Variants in NAA15 observed in about 807,000 individuals in gnomAD.
The protein encoded by NAA15 is N-alpha-acetyltransferase 15, NatA auxiliary subunit.
NAA15 carries 34 observed loss-of-function variants against 114.0 expected under a neutral mutation model. That is an observed-to-expected ratio of 0.30 (90% CI 0.23 to 0.40). The LOEUF (loss-of-function observed/expected upper bound fraction) is 0.40. Ranked by LOEUF, NAA15 falls within the 10% of genes least tolerant of loss-of-function variation. The probability of loss-of-function intolerance (pLI) is 1.00; values close to 1 mark genes in which losing one functional copy is unlikely to be tolerated. For synonymous variants in NAA15, 340 were observed against 338.0 expected, an observed-to-expected ratio of 1.01 and a Z score of -0.06; for missense variants, 658 against 1,004.5, an observed-to-expected ratio of 0.66 and a Z score of 4.66.
At chr4:139,306,256 T>C (rs528208321) in intron 1 of NAA15, among the ~76,000 whole-genome samples, 1 of 152,198 alleles carries the variant, frequency 6.6e-6, no homozygotes, top group Non-Finnish European at 1.5e-5. Flanking sequence ...TTTGTTTGTT[T>C]TTTGAGACAG....
chr4:139,319,243 G>A (rs1346224515), intron 1 of NAA15, among the ~76,000 whole-genome samples: 1 of 152,136 alleles, frequency 6.6e-6, no homozygotes, highest in Non-Finnish European at 1.5e-5. Flanking sequence ...GCAGCGAGCC[G>A]AGATCATGCT....
intron 1 of NAA15, among the ~76,000 whole-genome samples, chr4:139,324,306 T>TA (rs1296050401): frequency 6.6e-6 from 1 of 152,248 alleles, no homozygotes; most frequent in Admixed American, 6.5e-5. Context: ...TTGAAAGTAT[T>TA]ATGTTAGATT....
At chr4:139,384,098 G>A (rs139206440) in intron 17 of NAA15, among the ~76,000 whole-genome samples, 24 of 152,338 alleles carry the variant, frequency 1.6e-4, no homozygotes, top group African/African-American at 4.8e-4. Flanking sequence ...TTTGCTTACA[G>A]TTCCTTTCTG....
intron 6 of NAA15, among the ~76,000 whole-genome samples, chr4:139,346,430 A>G (rs1289883523): frequency 6.6e-6 from 1 of 152,204 alleles, no homozygotes; most frequent in Non-Finnish European, 1.5e-5. Context: ...TGGAAATTCT[A>G]GCAATCTTTA....
intron 1 of NAA15, among the ~76,000 whole-genome samples, chr4:139,321,279 AT>A (rs1472502073): frequency 1.3e-5 from 2 of 151,730 alleles, no homozygotes; most frequent in East Asian, 3.9e-4. Flanking sequence ...AATAGTTTCC[AT>A]TTCTTCATTG....
chr4:139,324,917 C>G (rs1746743220), intron 1 of NAA15, among the ~76,000 whole-genome samples: 1 of 151,962 alleles, frequency 6.6e-6, no homozygotes, highest in African/African-American at 2.4e-5. Context: ...GAGGGGCCTG[C>G]CATTCTGAAT....
intron 6 of NAA15, among the ~76,000 whole-genome samples, chr4:139,347,243 A>T (rs1171644949): frequency 2.6e-5 from 4 of 152,052 alleles, no homozygotes; most frequent in Non-Finnish European, 4.4e-5. Flanking sequence ...TGCCAGTAGT[A>T]CTCAACACCC....
At chr4:139,349,710 C>T (rs1367660818) in intron 7 of NAA15, 129 bp downstream of exon 7, 38 of 953,164 alleles carry the variant, frequency 4.0e-5, no homozygotes, top group South Asian at 1.6e-4. Context: ...ACAGGCCAAG[C>T]GCAGTGGCTC....
At chr4:139,363,740 A>C (rs1350903280) in intron 14 of NAA15, among the ~76,000 whole-genome samples, 1 of 152,200 alleles carries the variant, frequency 6.6e-6, no homozygotes, top group Non-Finnish European at 1.5e-5. Flanking sequence ...TAAAAGGTTC[A>C]TCAGTTTTTA....
chr4:139,338,893 C>A (rs1311379226), intron 3 of NAA15, among the ~76,000 whole-genome samples: 1 of 152,164 alleles, frequency 6.6e-6, no homozygotes, highest in African/African-American at 2.4e-5. Flanking sequence ...TCACTGCAAC[C>A]TCTACCTCCT....
intron 10 of NAA15, 133 bp from the exon 11 acceptor site, chr4:139,357,253 A>T (rs1026404050): frequency 1.4e-6 from 1 of 724,306 alleles, no homozygotes; most frequent in African/African-American, 1.8e-5. Context: ...ACTTAGGAGG[A>T]GTTTTATAGC....
rs186982800 is a variant in NAA15, at chr4:139,352,308, C to T, written c.1014+697C>T. On this transcript the variant is annotated intron_variant, in intron 9 of 19. Coordinates refer to ENST00000296543, the MANE Select transcript of NAA15 (RefSeq NM_057175.5). Reference sequence around the variant, plus strand: ...ATTTTTAATAGAGACAGGGTTTCACCGTGTTGGCCAGGCTGGTCTTGAACT... The same window carrying T: ...ATTTTTAATAGAGACAGGGTTTCACTGTGTTGGCCAGGCTGGTCTTGAACT... 1.3e-4 allele frequency among the ~76,000 whole-genome samples: 20 copies of T among 152,138 alleles called. No homozygotes were observed. The East Asian group carries it at 3.1e-3, about 24-fold the overall frequency.
At position 139,343,325 on chromosome 4, in the gene NAA15, A is replaced by G. The variant is rs138748888; in HGVS notation, c.537+365A>G. ...AGGGATAGATTATAAAAATTAGGAA[A>G]TTTAACACTGATAGACTGTTATCTA... On this transcript the variant is annotated intron_variant, in intron 5 of 19. Coordinates refer to ENST00000296543, the MANE Select transcript of NAA15 (RefSeq NM_057175.5). Among the ~76,000 whole-genome samples the G allele has an allele frequency of 1.4e-3, 208 of 152,348 alleles. No homozygotes were observed. In the Middle Eastern group the frequency reaches 0.014, roughly 10 times the overall value.
At chr4:139,345,508 A>G (rs1747550168) in intron 6 of NAA15, among the ~76,000 whole-genome samples, 2 of 152,216 alleles carry the variant, frequency 1.3e-5, no homozygotes, top group South Asian at 4.1e-4. Context: ...AAGTTAGATA[A>G]AGGACTCAGA....
In NAA15 at chr4:139,341,033, A is replaced by T; in HGVS notation, c.366A>T (p.Leu122Phe). The change falls in exon 4 of 20, where the codon TTA (leucine) becomes TTT (phenylalanine). Residue 122 changes from leucine (L) to phenylalanine (F), a missense_variant. By Grantham distance (22) the Leu-to-Phe change is conservative. This residue lies in a region of NAA15 where 75 missense variants were observed against 172.3 expected (regional missense o/e 0.44). Coordinates refer to ENST00000296543, the MANE Select transcript of NAA15 (RefSeq NM_057175.5). Reference sequence around the variant, plus strand: ...TTCAAATCTTAAGGGACCTTTCCTTACTACAGATTCAAATGCGAGATCTTG... The same window carrying T: ...TTCAAATCTTAAGGGACCTTTCCTTTCTACAGATTCAAATGCGAGATCTTG... ...DNLQILRDLS[L>F]LQIQMRDLEG... The T allele has an allele frequency of 6.3e-7, 1 of 1,594,162 alleles. No homozygotes were observed. Among genetic ancestry groups the T allele is most frequent in the Non-Finnish European group, 8.5e-7 (1 of 1,172,062 alleles).
rs1224371197 is a variant in NAA15, at chr4:139,390,080, A to G, written c.*1996A>G. ...GTACCAGCCATATAATAGGGGGTGT[A>G]TGTGTGAATTTTGTTTAAACTCTAC... On this transcript the variant is annotated 3_prime_UTR_variant, in exon 20 of 20. Transcript: ENST00000296543. 2 of 152,636 alleles carry G rather than the reference A, an allele frequency of 1.3e-5. No homozygotes were observed. Among genetic ancestry groups the G allele is most frequent in the African/African-American group, 2.4e-5 (1 of 41,442 alleles). The allele number at this position is 152,636 out of a possible 1,614,324, so 9.5% of individuals were successfully genotyped here.
At chr4:139,359,047 G>A (rs1366436273) in intron 11 of NAA15, among the ~76,000 whole-genome samples, 2 of 151,736 alleles carry the variant, frequency 1.3e-5, no homozygotes, top group African/African-American at 4.8e-5. Context: ...GGAGGTTGCA[G>A]TGAGCCAAGA....
chr4:139,331,179 G>C (rs1042233980), intron 1 of NAA15, among the ~76,000 whole-genome samples: 2 of 152,006 alleles, frequency 1.3e-5, no homozygotes, highest in African/African-American at 4.8e-5. Context: ...AAAGATTTAT[G>C]ATGAAAGAAA....
chr4:139,322,586 C>A (rs1298699684), intron 1 of NAA15, among the ~76,000 whole-genome samples: 1 of 152,240 alleles, frequency 6.6e-6, no homozygotes, highest in Non-Finnish European at 1.5e-5. Context: ...CATGCATGAG[C>A]ACCAGTAGTT....
Sources: gnomAD v4.1 joint callset for allele counts (sites outside exome capture counted in the v4.1 genomes callset) on GRCh38, gnomAD v4.1.1 for gene constraint, gnomAD v4.1.1 regional missense constraint, MANE v1.5 for transcripts, NCBI Gene and HGNC (gene_info 2026-07-23, HGNC 2026-07-21) for gene names.